HILPDA: variants seen among roughly 807,000 people sequenced by gnomAD.
HILPDA encodes the protein hypoxia inducible lipid droplet associated, also known as hypoxia-inducible lipid droplet-associated protein.
For synonymous variants in HILPDA, 37 were observed against 33.2 expected (o/e 1.12, Z -0.40); for missense variants, 72 against 73.5 (o/e 0.98, Z 0.08).
At position 128,458,153 on chromosome 7, in the gene HILPDA, T is replaced by A. The variant is rs1251520538; in HGVS notation, c.*693T>A. On this transcript the variant is annotated 3_prime_UTR_variant, in exon 2 of 2. Coordinates refer to ENST00000257696, the MANE Select transcript of HILPDA (RefSeq NM_013332.4). ...TAGTCTTGAATGTCTTATGCTCAAT[T>A]ATTTGGTGTTGAGCCTCTCTTCCAC... The A allele has an allele frequency of 1.2e-5, 2 of 167,076 alleles. No homozygotes were observed. Among genetic ancestry groups the A allele is most frequent in the Admixed American group, 6.5e-5 (1 of 15,280 alleles). 10.3% of individuals were successfully genotyped at this position (167,076 alleles called of 1,614,324 possible). A position where few individuals can be genotyped will look rare whatever the true frequency, so the allele number is the denominator to read the frequency against.
At chr7:128,456,430 GA>G (rs1799541967) in intron 1 of HILPDA, 1 of 162,560 alleles carries the variant, frequency 6.2e-6, no homozygotes, top group Non-Finnish European at 1.4e-5. Flanking sequence ...TGATAGATTT[GA>G]CCCTCATAGA....
chr7:128,457,304 G>A lies in HILPDA; in HGVS notation c.36G>A (p.Val12=). Residue 12 remains valine (V), a synonymous_variant, in exon 2 of 2, where the codon GTG becomes GTA. Coordinates refer to ENST00000257696, the MANE Select transcript of HILPDA (RefSeq NM_013332.4). The part of the protein sequence containing the change: ...KHVLNLYLLG[V]VLTLLSIFVR... ...TGTTGAACCTCTACCTGTTAGGTGT[G>A]GTACTGACCCTACTCTCCATCTTCG... 6.2e-7 allele frequency: 1 copy of A among 1,613,954 alleles called. No homozygotes were observed.
Position 128,457,219 on chromosome 7 carries a change from AAGG to A in HILPDA, c.-47_-45del. 2 of 1,504,358 alleles carry A rather than the reference AAGG, an allele frequency of 1.3e-6. No individual in the cohort carries two copies. Among genetic ancestry groups the A allele is most frequent in the Non-Finnish European group, 1.8e-6 (2 of 1,096,450 alleles). The allele number at this position is 1,504,358 out of a possible 1,614,324, so 93.2% of individuals were successfully genotyped here. On this transcript the variant is annotated 5_prime_UTR_variant, in exon 2 of 2. Transcript: ENST00000257696. ...TTCTCAGGGTCCAGAGGCCTTTCAG[AAGG>A]AGAAGGCAGCTCTGTTTCTCTGCAG...
chr7:128,456,900 G>A (rs1410423229), intron 1 of HILPDA, among the ~76,000 whole-genome samples: 2 of 152,178 alleles, frequency 1.3e-5, no homozygotes, highest in African/African-American at 4.8e-5. Context: ...GACCTCAGGT[G>A]ATCCACCCGC....
Position 128,457,375 on chromosome 7 carries a change from C to T in HILPDA, c.107C>T (p.Pro36Leu), listed in dbSNP as rs1799557820. ...GAGGGCTTACTAGAGAGCCCATCGCCTGGGACCTCCTGGACCACCAGAAGC... is the reference window on the plus strand; with the variant it reads ...GAGGGCTTACTAGAGAGCCCATCGCTTGGGACCTCCTGGACCACCAGAAGC... The part of the protein sequence containing the change: ...SLEGLLESPS[P>L]GTSWTTRSQL... The change falls in exon 2 of 2, where the codon CCT (proline) becomes CTT (leucine). Residue 36 changes from proline to leucine, a missense_variant. Coordinates refer to ENST00000257696, the MANE Select transcript of HILPDA (RefSeq NM_013332.4). 1.2e-6 allele frequency: 2 copies of T among 1,614,014 alleles called. No individual in the cohort carries two copies. Among genetic ancestry groups the T allele is most frequent in the African/African-American group, 1.3e-5 (1 of 74,916 alleles).
chr7:128,457,259 C>G lies in HILPDA; in HGVS notation c.-10C>G, dbSNP rs537521310. On this transcript the variant is annotated 5_prime_UTR_variant, in exon 2 of 2. Coordinates refer to ENST00000257696, the MANE Select transcript of HILPDA (RefSeq NM_013332.4). Reference sequence around the variant, plus strand: ...CTGTTTCTCTGCAGAGGAGTAGGGTCCTTTCAGCCATGAAGCATGTGTTGA... The same window carrying G: ...CTGTTTCTCTGCAGAGGAGTAGGGTGCTTTCAGCCATGAAGCATGTGTTGA... 6.2e-7 allele frequency: 1 copy of G among 1,604,390 alleles called. No homozygotes were observed. Among genetic ancestry groups the G allele is most frequent in the African/African-American group, 1.3e-5 (1 of 74,832 alleles).
Position 128,455,963 on chromosome 7 carries a change from C to T in HILPDA, c.-129C>T, listed in dbSNP as rs1799533840. On this transcript the variant is annotated 5_prime_UTR_variant, in exon 1 of 2. Coordinates refer to ENST00000257696, the MANE Select transcript of HILPDA (RefSeq NM_013332.4). ...CTGGTGCTTAGTAACCGACTTTCCT[C>T]CGGACTCCTGCACGACCTGCTCCTA... 1 of 456,550 alleles carries T rather than the reference C, an allele frequency of 2.2e-6. No homozygotes were observed. The highest frequency in any genetic ancestry group is 2.3e-5 in the Admixed American group (1 of 42,570). The allele number at this position is 456,550 out of a possible 1,614,324, so 28.3% of individuals were successfully genotyped here. A position where few individuals can be genotyped will look rare whatever the true frequency, so the allele number is the denominator to read the frequency against.
chr7:128,457,422 A>G lies in HILPDA; in HGVS notation c.154A>G (p.Thr52Ala). The G allele has an allele frequency of 6.2e-7, 1 of 1,614,184 alleles. No individual in the cohort carries two copies. Among genetic ancestry groups the G allele is most frequent in the Non-Finnish European group, 8.5e-7 (1 of 1,180,016 alleles). ...AAGCCAACTAGCCAACACAGAGCCC[A>G]CCAAGGGCCTTCCAGACCATCCATC... ...TRSQLANTEP[T>A]KGLPDHPSRS... The change falls in exon 2 of 2, where the codon ACC becomes GCC. Residue 52 changes from threonine to alanine, a missense_variant. Thr to Ala is a moderately conservative substitution (Grantham distance 58). Coordinates refer to ENST00000257696, the MANE Select transcript of HILPDA (RefSeq NM_013332.4).
rs1439354613 is a variant in HILPDA, at chr7:128,457,196, C to A, written c.-68-5C>A. On this transcript the variant is annotated splice_region_variant and splice_polypyrimidine_tract_variant and intron_variant, in intron 1 of 1. Transcript: ENST00000257696. ...ATAGATTCATCCTTTCCTCTTTTTT[C>A]TCAGGGTCCAGAGGCCTTTCAGAAG... 10 of 1,289,258 alleles carry A rather than the reference C, an allele frequency of 7.8e-6. No individual in the cohort carries two copies. Among genetic ancestry groups the A allele is most frequent in the Non-Finnish European group, 9.8e-6 (9 of 921,242 alleles). 79.9% of individuals were successfully genotyped at this position (1,289,258 alleles called of 1,614,324 possible). A position where few individuals can be genotyped will look rare whatever the true frequency, so the allele number is the denominator to read the frequency against.
rs541954639 is a variant in HILPDA, at chr7:128,457,291, A to G, written c.23A>G (p.Tyr8Cys). The G allele has an allele frequency of 1.2e-5, 20 of 1,613,090 alleles. No individual in the cohort carries two copies. In the African/African-American group the frequency reaches 1.5e-4, roughly 12 times the overall value. The change falls in exon 2 of 2, where the codon TAC becomes TGC. Residue 8 changes from tyrosine to cysteine, a missense_variant. Transcript: ENST00000257696. MKHVLNL[Y>C]LLGVVLTLLS... ...GCCATGAAGCATGTGTTGAACCTCT[A>G]CCTGTTAGGTGTGGTACTGACCCTA...
intron 1 of HILPDA, among the ~76,000 whole-genome samples, chr7:128,456,872 G>T (rs1180768958): frequency 6.6e-6 from 1 of 152,152 alleles, no homozygotes; most frequent in Non-Finnish European, 1.5e-5. Flanking sequence ...ATGTTGGTCA[G>T]GCTGGTCTCG....
chr7:128,456,085 A>T (rs567800924), intron 1 of HILPDA, 62 bp downstream of exon 1: 3 of 417,822 alleles, frequency 7.2e-6, no homozygotes, highest in South Asian at 5.0e-5. Context: ...TCGCCGCGCT[A>T]GCAGCCTCGC....
rs1452115081 is a variant in HILPDA, at chr7:128,457,906, T to TC, written c.*447dup. 11 of 180,278 alleles carry TC rather than the reference T, an allele frequency of 6.1e-5. No homozygotes were observed. Among genetic ancestry groups the TC allele is most frequent in the African/African-American group, 2.7e-4 (11 of 41,500 alleles). The allele number at this position is 180,278 out of a possible 1,614,324, so 11.2% of individuals were successfully genotyped here. On this transcript the variant is annotated 3_prime_UTR_variant, in exon 2 of 2. Coordinates refer to ENST00000257696, the MANE Select transcript of HILPDA (RefSeq NM_013332.4). ...GCCTGGGCCACAGTGCAAGACTCCA[T>TC]CTCAAAAAAAAAAGAAAAGAAAAAG...
rs916287936 is a variant in HILPDA, at chr7:128,457,646, T to A, written c.*186T>A. Reference sequence around the variant, plus strand: ...GCCTGTTTAGGCCGGTTGCGGTGGCTCATGCCTGTAATCCTAGCACTTTGG... The same window carrying A: ...GCCTGTTTAGGCCGGTTGCGGTGGCACATGCCTGTAATCCTAGCACTTTGG... On this transcript the variant is annotated 3_prime_UTR_variant, in exon 2 of 2. Coordinates refer to ENST00000257696, the MANE Select transcript of HILPDA (RefSeq NM_013332.4). The A allele has an allele frequency of 2.4e-5, 14 of 584,424 alleles. No homozygotes were observed. Among genetic ancestry groups the A allele is most frequent in the Non-Finnish European group, 3.7e-5 (12 of 327,788 alleles). 36.2% of individuals were successfully genotyped at this position (584,424 alleles called of 1,614,324 possible). A position where few individuals can be genotyped will look rare whatever the true frequency, so the allele number is the denominator to read the frequency against.
At chr7:128,457,079 G>A (rs780081332) in intron 1 of HILPDA, 122 bp from the exon 2 acceptor site, 141 of 486,646 alleles carry the variant, frequency 2.9e-4, no homozygotes, top group Middle Eastern at 1.1e-3. Flanking sequence ...CAACTCCCTG[G>A]TCCCTGTGTC....
rs182997799 is a variant in HILPDA at position 128,457,823 on chromosome 7, A to G, written c.*363A>G. The G allele has an allele frequency of 2.3e-3, 543 of 238,212 alleles. 4 individuals are homozygous for G. Among genetic ancestry groups the G allele is most frequent in the African/African-American group, 0.011 (497 of 45,176 alleles). 14.8% of individuals were successfully genotyped at this position (238,212 alleles called of 1,614,324 possible). A position where few individuals can be genotyped will look rare whatever the true frequency, so the allele number is the denominator to read the frequency against. On this transcript the variant is annotated 3_prime_UTR_variant, in exon 2 of 2. Transcript: ENST00000257696. ...GCTCCTTGGGAGGCTGAGGCGGGAGAATTGCTTGAACCCGGGGACGGAGGT... is the reference window on the plus strand; with the variant it reads ...GCTCCTTGGGAGGCTGAGGCGGGAGGATTGCTTGAACCCGGGGACGGAGGT...
chr7:128,458,129 A>T lies in HILPDA; in HGVS notation c.*669A>T, dbSNP rs969150980. The T allele has an allele frequency of 1.2e-5, 2 of 164,366 alleles. No homozygotes were observed. Among genetic ancestry groups the T allele is most frequent in the African/African-American group, 4.9e-5 (2 of 41,104 alleles). The allele number at this position is 164,366 out of a possible 1,614,324, so 10.2% of individuals were successfully genotyped here. The stretch of plus-strand genomic sequence containing the variant: ...CTAAACATCTGTCTGGGGTTCCTTT[A>T]GTCTTGAATGTCTTATGCTCAATTA... On this transcript the variant is annotated 3_prime_UTR_variant, in exon 2 of 2. Coordinates refer to ENST00000257696, the MANE Select transcript of HILPDA (RefSeq NM_013332.4).
In HILPDA at chr7:128,457,367, C is replaced by T. The variant is rs1308856806; in HGVS notation, c.99C>T (p.Ser33=). 8.1e-6 allele frequency: 13 copies of T among 1,614,002 alleles called. No individual in the cohort carries two copies. In the South Asian group the frequency reaches 1.2e-4, roughly 15 times the overall value. The part of the protein sequence containing the change: ...VMESLEGLLE[S]PSPGTSWTTR... ...AGTCCCTAGAGGGCTTACTAGAGAG[C>T]CCATCGCCTGGGACCTCCTGGACCA... The change falls in exon 2 of 2, where the codon AGC becomes AGT. Residue 33 remains serine, a synonymous_variant. Transcript: ENST00000257696.
chr7:128,456,927 G>T (rs929548809), intron 1 of HILPDA, among the ~76,000 whole-genome samples: 1 of 152,222 alleles, frequency 6.6e-6, no homozygotes, highest in African/African-American at 2.4e-5. Flanking sequence ...CTCCCAGAGC[G>T]CTGGGATTAC....
Sources: gnomAD v4.1 joint callset for allele counts (sites outside exome capture counted in the v4.1 genomes callset) on GRCh38, gnomAD v4.1.1 for gene constraint, MANE v1.5 for transcripts, NCBI Gene and HGNC (gene_info 2026-07-23, HGNC 2026-07-21) for gene names.